GANC: variants seen among roughly 807,000 people sequenced by gnomAD.
GANC encodes neutral alpha-glucosidase C.
A neutral mutation model predicts 124.2 loss-of-function variants in GANC; 117 were observed. The observed-to-expected ratio is 0.94, with a 90% CI of 0.81 to 1.10. The LOEUF (loss-of-function observed/expected upper bound fraction) is 1.10, where lower values mean the gene tolerates loss of function less well. Among genes scored for constraint, GANC ranks in the 50% least tolerant of loss-of-function variants. The pLI, the probability that GANC is intolerant of heterozygous loss-of-function variation, is 0.00. For synonymous variants in GANC, 377 were observed against 376.8 expected (o/e 1.00, Z -0.01); for missense variants, 1,140 against 1,095.0 (o/e 1.04, Z -0.58).
chr15:42,329,437 C>A lies in GANC; in HGVS notation c.1632C>A (p.Tyr544Ter). Reference sequence around the variant, plus strand: ...AGCACAGAGAGCTCCACAACATCTACGGTTTTTATCATGTAAGACATCCAA... The same window carrying A: ...AGCACAGAGAGCTCCACAACATCTAAGGTTTTTATCATGTAAGACATCCAA... ...NWEHRELHNIYGFYHQMATAE... is the reference protein window; with the variant it reads ...NWEHRELHNI The change falls in exon 14 of 24, where the codon TAC becomes TAA. Residue 544 changes from tyrosine to a stop codon, truncating the protein, a stop_gained. Coordinates refer to ENST00000318010, the MANE Select transcript of GANC (RefSeq NM_198141.3). LOFTEE classifies it high-confidence loss of function. The A allele has an allele frequency of 6.2e-7, 1 of 1,608,908 alleles. No homozygotes were observed. Among genetic ancestry groups the A allele is most frequent in the Non-Finnish European group, 8.5e-7 (1 of 1,178,436 alleles).
At chr15:42,301,311 G>T (rs932887949) in intron 6 of GANC, among the ~76,000 whole-genome samples, 13 of 152,174 alleles carry the variant, frequency 8.5e-5, no homozygotes, top group Non-Finnish European at 1.6e-4. Flanking sequence ...TGTGCTGTGA[G>T]GAATGGTGCA....
rs150370629 is a variant in GANC, at chr15:42,321,427, C to T, written c.1058-358C>T. On this transcript the variant is annotated intron_variant, in intron 10 of 23. Transcript: ENST00000318010. ...GCCCGGAATGCTCTATCTATTCTTCCTGTCTGGTATATTCCCACTAACTCT... is the reference window on the plus strand; with the variant it reads ...GCCCGGAATGCTCTATCTATTCTTCTTGTCTGGTATATTCCCACTAACTCT... Among the ~76,000 whole-genome samples the T allele has an allele frequency of 9.8e-5, 15 of 152,286 alleles. No individual in the cohort carries two copies. The East Asian group carries it at 2.7e-3, about 27-fold the overall frequency.
rs376254236 is a variant in GANC at position 42,278,717 on chromosome 15, T to A, written c.201+127T>A. The A allele has an allele frequency of 2.2e-3, 1,400 of 631,292 alleles. 39 individuals are homozygous for A. In the South Asian group the frequency reaches 0.028, roughly 13 times the overall value. 39.1% of individuals were successfully genotyped at this position (631,292 alleles called of 1,614,324 possible). ...TAGAAAAGGAATATCAGCCTTTTAG[T>A]GATTAGTGGCTCACGCCTGTAATCC... is the stretch of plus-strand genomic sequence containing the variant. On this transcript the variant is annotated intron_variant, in intron 3 of 23. Transcript: ENST00000318010.
chr15:42,339,832 C>T lies in GANC; in HGVS notation c.2007C>T (p.Ala669=). The T allele has an allele frequency of 6.2e-7, 1 of 1,614,144 alleles. No individual in the cohort carries two copies. Residue 669 remains alanine (A), a synonymous_variant, in exon 17 of 24, where the codon GCC becomes GCT. Transcript: ENST00000318010. The part of the protein sequence containing the change: ...GEEHTRLIRE[A]IRERYGLLPY... ...AACACACCCGACTCATCCGAGAAGC[C>T]ATCAGAGAGCGCTATGGCCTCCTGC...
intron 15 of GANC, among the ~76,000 whole-genome samples, chr15:42,333,603 A>G (rs950950659): frequency 2.0e-4 from 31 of 152,260 alleles, no homozygotes; most frequent in Admixed American, 1.9e-3. Flanking sequence ...TGCCTCTACC[A>G]CTTAATAACT....
At chr15:42,296,195 A>G (rs1043192044) in intron 5 of GANC, among the ~76,000 whole-genome samples, 1 of 150,594 alleles carries the variant, frequency 6.6e-6, no homozygotes, top group African/African-American at 2.4e-5. Flanking sequence ...TGATCCCTTT[A>G]TCATTGTGTA....
At chr15:42,351,569 T>C (rs2052438617) in intron 23 of GANC, 137 bp downstream of exon 23, 1 of 625,562 alleles carries the variant, frequency 1.6e-6, no homozygotes, top group African/African-American at 1.8e-5. Flanking sequence ...AATATACTAG[T>C]CTGTAGAATA....
Position 42,297,507 on chromosome 15 carries a change from A to C in GANC, c.513-104A>C, listed in dbSNP as rs2051902626. 8.1e-6 allele frequency: 6 copies of C among 737,944 alleles called. No individual in the cohort carries two copies. The East Asian group carries it at 1.6e-4, about 20-fold the overall frequency. The allele number at this position is 737,944 out of a possible 1,614,324, so 45.7% of individuals were successfully genotyped here. A position where few individuals can be genotyped will look rare whatever the true frequency, so the allele number is the denominator to read the frequency against. The stretch of plus-strand genomic sequence containing the variant: ...GATGTTATATTTAATACATTAAAGG[A>C]TATAACTGAGGTCTCAAAAGTTGGA... On this transcript the variant is annotated intron_variant, in intron 5 of 23. Transcript: ENST00000318010.
chr15:42,326,246 C>T (rs2052197533), intron 11 of GANC, 52 bp from the exon 12 acceptor site: 2 of 1,301,362 alleles, frequency 1.5e-6, no homozygotes, highest in African/African-American at 2.9e-5. Flanking sequence ...TATACGTGAA[C>T]ATTTGTCTTA....
chr15:42,283,476 T>G (rs1260278487), intron 3 of GANC: 2 of 606,928 alleles, frequency 3.3e-6, no homozygotes, highest in Non-Finnish European at 5.9e-6. Context: ...AAGGAAAATG[T>G]ATGCTGTCTT....
chr15:42,348,407 C>T (rs2052386456), intron 21 of GANC, among the ~76,000 whole-genome samples, 191 bp downstream of exon 21: 1 of 152,190 alleles, frequency 6.6e-6, no homozygotes, highest in African/African-American at 2.4e-5. Context: ...CCTTTGAGAT[C>T]TAGGAATGAC....
chr15:42,342,301 A>T (rs2052333764), intron 18 of GANC, among the ~76,000 whole-genome samples: 2 of 152,320 alleles, frequency 1.3e-5, no homozygotes, highest in South Asian at 4.1e-4. Flanking sequence ...AGAAAACTAG[A>T]GGCCAGGCAT....
Position 42,326,397 on chromosome 15 carries a change from G to A in GANC, c.1393G>A (p.Glu465Lys). Residue 465 changes from glutamate (E) to lysine (K), a missense_variant, in exon 12 of 24, where the codon GAA (glutamate) becomes AAA (lysine). Physicochemically the swap from Glu to Lys is moderately conservative, Grantham distance 56. Transcript: ENST00000318010. ...CTTCTTTGTGAAGAATCAGGAAGGG[G>A]AAGACTTTGAAGGGGTGTGTTGGCC... ...QGFFVKNQEG[E>K]DFEGVCWPGL... 1.2e-6 allele frequency: 2 copies of A among 1,613,980 alleles called. No homozygotes were observed. The highest frequency in any genetic ancestry group is 1.1e-5 in the South Asian group (1 of 91,068).
chr15:42,304,390 C>T (rs920210126), intron 6 of GANC, among the ~76,000 whole-genome samples: 2 of 152,154 alleles, frequency 1.3e-5, no homozygotes, highest in African/African-American at 2.4e-5. Flanking sequence ...ATTAAATGCC[C>T]ATGGAATACA....
Position 42,329,432 on chromosome 15 carries a change from A to T in GANC, c.1627A>T (p.Ile543Phe). The T allele has an allele frequency of 6.2e-7, 1 of 1,610,864 alleles. No individual in the cohort carries two copies. Among genetic ancestry groups the T allele is most frequent in the Non-Finnish European group, 8.5e-7 (1 of 1,179,022 alleles). ...TTGGGAGCACAGAGAGCTCCACAACATCTACGGTTTTTATCATGTAAGACA... is the reference window on the plus strand; with the variant it reads ...TTGGGAGCACAGAGAGCTCCACAACTTCTACGGTTTTTATCATGTAAGACA... ...GNWEHRELHNIYGFYHQMATA... is the reference protein window; with the variant it reads ...GNWEHRELHNFYGFYHQMATA... The change falls in exon 14 of 24, where the codon ATC becomes TTC. Residue 543 changes from isoleucine (I) to phenylalanine (F), a missense_variant. By Grantham distance (21) the Ile-to-Phe change is conservative (BLOSUM62 0). Transcript: ENST00000318010.
intron 11 of GANC, among the ~76,000 whole-genome samples, chr15:42,324,271 AAAC>A: frequency 6.6e-6 from 1 of 152,268 alleles, no homozygotes; most frequent in African/African-American, 2.4e-5. Context: ...TTTAAAAAAA[AAAC>A]AAAATAACAA....
chr15:42,344,118 A>T (rs904182765), intron 19 of GANC, among the ~76,000 whole-genome samples: 15 of 152,208 alleles, frequency 9.9e-5, no homozygotes, highest in Non-Finnish European at 1.5e-5. Flanking sequence ...CTCTCCCTCA[A>T]CATAGCTTTA....
intron 10 of GANC, chr15:42,314,243 A>G (rs1366781498): frequency 1.4e-6 from 1 of 704,030 alleles, no homozygotes; most frequent in Non-Finnish European, 2.6e-6. Context: ...GCACGTAGCT[A>G]CCCAGCATGG....
At chr15:42,303,819 T>C (rs558792651) in intron 6 of GANC, among the ~76,000 whole-genome samples, 18 of 152,168 alleles carry the variant, frequency 1.2e-4, no homozygotes, top group Non-Finnish European at 2.5e-4. Context: ...CCTAAATATA[T>C]ATGCACCCAA....
Sources: allele counts gnomAD v4.1 joint callset (sites outside exome capture counted in the v4.1 genomes callset), GRCh38; gene constraint gnomAD v4.1.1; transcripts MANE v1.5; gene names NCBI Gene and HGNC (gene_info 2026-07-23, HGNC 2026-07-21).